Variants in CAST observed in about 807,000 individuals in gnomAD.
CAST encodes MIR583 host.
CAST carries 76 observed loss-of-function variants against 119.6 expected under a neutral mutation model. That is an observed-to-expected ratio of 0.64 (90% confidence interval 0.53 to 0.77). CAST has a LOEUF of 0.77. CAST is among the 30% of genes least tolerant of loss of function. The pLI is 0.00. For synonymous variants in CAST, 319 were observed against 331.6 expected (o/e 0.96, Z 0.41); for missense variants, 953 against 946.5 (o/e 1.01, Z -0.09).
At chr5:96,201,464 A>C in the CAST span, among the ~76,000 whole-genome samples, 1 of 152,286 alleles carries the variant, frequency 6.6e-6, no homozygotes, top group South Asian at 2.1e-4. Context: ...TGCACGAGCC[A>C]CACAGAAACA....
At chr5:96,388,004 T>A in the CAST span, among the ~76,000 whole-genome samples, 11 of 152,204 alleles carry the variant, frequency 7.2e-5, no homozygotes, top group African/African-American at 2.4e-4. Flanking sequence ...CCTGTTCAGA[T>A]ACATATTTAA....
the CAST span, among the ~76,000 whole-genome samples, chr5:96,285,330 AAGG>A: frequency 6.6e-6 from 1 of 152,228 alleles, no homozygotes; most frequent in South Asian, 2.1e-4. Flanking sequence ...AGAAATAGCT[AAGG>A]AGGATAGTAT....
chr5:96,759,011 C>A (rs1767029427), intron 24 of CAST, among the ~76,000 whole-genome samples: 2 of 151,912 alleles, frequency 1.3e-5, no homozygotes, highest in African/African-American at 4.8e-5. Flanking sequence ...TTTAGAAATT[C>A]AAAGATTTGG....
the CAST span, among the ~76,000 whole-genome samples, chr5:96,229,029 C>T: frequency 6.6e-6 from 1 of 151,740 alleles, no homozygotes; most frequent in Non-Finnish European, 1.5e-5. Context: ...TTTTATGTGA[C>T]CATAGAATTC....
At chr5:96,021,638 G>A in the CAST span, among the ~76,000 whole-genome samples, 2 of 152,034 alleles carry the variant, frequency 1.3e-5, no homozygotes, top group East Asian at 1.9e-4. Flanking sequence ...AGTAGAGGCG[G>A]GGTTTCACTG....
chr5:96,079,507 A>T, the CAST span, among the ~76,000 whole-genome samples: 42 of 152,364 alleles, frequency 2.8e-4, no homozygotes, highest in Middle Eastern at 3.4e-3. Context: ...GACAATTTAA[A>T]AAATGTAGTT....
the CAST span, among the ~76,000 whole-genome samples, chr5:95,986,632 T>C: frequency 6.6e-6 from 1 of 152,178 alleles, no homozygotes; most frequent in Admixed American, 6.5e-5. Flanking sequence ...TTTCAGCTGC[T>C]GAAACAAAAA....
chr5:96,524,169 T>C (rs1415034926), upstream of CAST, among the ~76,000 whole-genome samples: 1 of 152,218 alleles, frequency 6.6e-6, no homozygotes, highest in Admixed American at 6.5e-5. Flanking sequence ...GATTCGCATG[T>C]CATTCTCATA....
At chr5:96,342,296 A>T in the CAST span, among the ~76,000 whole-genome samples, 1 of 152,218 alleles carries the variant, frequency 6.6e-6, no homozygotes, top group African/African-American at 2.4e-5. Context: ...CTGCTTTTTC[A>T]TTGTTGGTTG....
At chr5:96,149,262 G>A in the CAST span, among the ~76,000 whole-genome samples, 5 of 152,156 alleles carry the variant, frequency 3.3e-5, no homozygotes, top group Non-Finnish European at 5.9e-5. Context: ...CATTCCTCCT[G>A]GGGCTGGAGG....
chr5:96,086,756 T>C, the CAST span, among the ~76,000 whole-genome samples: 1 of 152,174 alleles, frequency 6.6e-6, no homozygotes, highest in East Asian at 1.9e-4. Flanking sequence ...ATAACCCCGG[T>C]GAATTAGTTA....
chr5:96,623,823 T>G (rs1039330785), intron 1 of CAST, among the ~76,000 whole-genome samples: 6 of 151,894 alleles, frequency 4.0e-5, no homozygotes, highest in Admixed American at 3.3e-4. Flanking sequence ...CAGCTTCCCA[T>G]CTGGCTGCAA....
chr5:95,990,687 C>T, the CAST span, among the ~76,000 whole-genome samples: 1 of 151,870 alleles, frequency 6.6e-6, no homozygotes, highest in East Asian at 1.9e-4. Flanking sequence ...TGAATATAAG[C>T]ATTTATCTTC....
At chr5:96,559,343 G>T (rs1265987450) in intron 1 of CAST, among the ~76,000 whole-genome samples, 1 of 152,158 alleles carries the variant, frequency 6.6e-6, no homozygotes, top group Non-Finnish European at 1.5e-5. Context: ...ACATAGTGTT[G>T]GAAGTTCTGG....
At chr5:96,634,352 G>A (rs1372440512) in intron 1 of CAST, among the ~76,000 whole-genome samples, 2 of 152,220 alleles carry the variant, frequency 1.3e-5, no homozygotes, top group African/African-American at 2.4e-5. Context: ...GTTCTACAAT[G>A]CAAGATTGTT....
intron 1 of CAST, among the ~76,000 whole-genome samples, chr5:96,650,649 C>T (rs996826178): frequency 5.9e-5 from 9 of 151,768 alleles, no homozygotes; most frequent in Admixed American, 6.6e-5. Flanking sequence ...TGCAGCTCTC[C>T]CCTTCACTTT....
intron 3 of CAST, among the ~76,000 whole-genome samples, chr5:96,717,447 A>G (rs966411627): frequency 5.9e-5 from 9 of 152,240 alleles, no homozygotes; most frequent in Non-Finnish European, 1.3e-4. Flanking sequence ...AGTGATAACA[A>G]TAACTGCCAT....
intron 1 of CAST, among the ~76,000 whole-genome samples, chr5:96,552,650 A>C (rs929680354): frequency 2.6e-5 from 4 of 152,034 alleles, no homozygotes; most frequent in Admixed American, 2.6e-4. Flanking sequence ...GAAAAGATCA[A>C]CAAAATAGAC....
At chr5:96,113,617 C>T in the CAST span, among the ~76,000 whole-genome samples, 388 of 152,360 alleles carry the variant, frequency 2.5e-3, 1 homozygote, top group Non-Finnish European at 3.8e-3. Flanking sequence ...GGGCAAAAGA[C>T]GCCTTTCAGC....
Sources: allele counts gnomAD v4.1 joint callset (sites outside exome capture counted in the v4.1 genomes callset), GRCh38; gene constraint gnomAD v4.1.1; transcripts MANE v1.5; gene names NCBI Gene and HGNC (gene_info 2026-07-23, HGNC 2026-07-21).